Variants in CNNM2 observed in about 807,000 individuals in gnomAD.
CNNM2 encodes metal transporter CNNM2.
In CNNM2, 12 loss-of-function variants were observed where a neutral mutation model predicts 66.9. The ratio of observed to expected loss-of-function variants is 0.18; its 90% CI spans 0.11 to 0.29. The LOEUF (loss-of-function observed/expected upper bound fraction) is 0.29. Ranked by LOEUF, CNNM2 falls within the 10% of genes least tolerant of loss-of-function variation. The probability of loss-of-function intolerance (pLI) is 1.00; values close to 1 mark genes in which losing one functional copy is unlikely to be tolerated. For missense variants in CNNM2, 705 were observed against 1,167.7 expected, an observed-to-expected ratio of 0.60 and a Z score of 5.77; for synonymous variants, 557 against 501.8, an observed-to-expected ratio of 1.11 and a Z score of -1.47.
At chr10:103,025,021 C>T (rs2064672236) in intron 1 of CNNM2, among the ~76,000 whole-genome samples, 1 of 152,174 alleles carries the variant, frequency 6.6e-6, no homozygotes, top group African/African-American at 2.4e-5. Context: ...TGGTTATCCA[C>T]TACTAATGAT....
rs117142634 is a variant in CNNM2, at chr10:103,029,364, A to G, written c.1622-20343A>G. Among the ~76,000 whole-genome samples, 602 of 150,982 alleles carry G rather than the reference A, an allele frequency of 4.0e-3. 19 individuals are homozygous for G. The East Asian group carries it at 0.071, about 18-fold the overall frequency. On this transcript the variant is annotated intron_variant, in intron 1 of 7. Coordinates refer to ENST00000369878, the MANE Select transcript of CNNM2 (RefSeq NM_017649.5). ...GCACCTGTAATCCCAGCTCCTCAGG[A>G]GGCTGAGGAGAATCACTTGAACCCA...
At chr10:102,986,560 A>G (rs2063800777) in intron 1 of CNNM2, among the ~76,000 whole-genome samples, 1 of 152,036 alleles carries the variant, frequency 6.6e-6, no homozygotes. Context: ...AGGTGGGCGG[A>G]TCACGAGGTC....
chr10:103,063,658 AC>A (rs1294577035), intron 4 of CNNM2, among the ~76,000 whole-genome samples: 1 of 152,152 alleles, frequency 6.6e-6, no homozygotes, highest in African/African-American at 2.4e-5. Flanking sequence ...GAGATGCTTT[AC>A]TCAGGAAGCC....
intron 1 of CNNM2, among the ~76,000 whole-genome samples, chr10:102,943,593 AC>A (rs1334988237): frequency 6.6e-6 from 1 of 152,212 alleles, no homozygotes; most frequent in African/African-American, 2.4e-5. Flanking sequence ...AAAAAAACGC[AC>A]AAAAAAAGTC....
At chr10:103,047,313 G>A (rs1183013381) in intron 1 of CNNM2, among the ~76,000 whole-genome samples, 1 of 152,200 alleles carries the variant, frequency 6.6e-6, no homozygotes, top group Admixed American at 6.5e-5. Context: ...GGGACATTCT[G>A]CAGGAGGCCT....
chr10:103,002,928 T>A (rs1350736782), intron 1 of CNNM2, among the ~76,000 whole-genome samples: 2 of 152,226 alleles, frequency 1.3e-5, no homozygotes, highest in East Asian at 3.9e-4. Context: ...AAGAAAAACA[T>A]ATATTCACAT....
chr10:103,006,459 G>A (rs561761176), intron 1 of CNNM2, among the ~76,000 whole-genome samples: 2 of 152,170 alleles, frequency 1.3e-5, no homozygotes, highest in Admixed American at 6.5e-5. Flanking sequence ...ACCCGCCTCA[G>A]CCTCCCAAAG....
intron 1 of CNNM2, among the ~76,000 whole-genome samples, chr10:102,963,184 ATGAG>A (rs1268298781): frequency 5.3e-5 from 8 of 152,210 alleles, no homozygotes; most frequent in African/African-American, 1.9e-4. Flanking sequence ...AATAAGTGAT[ATGAG>A]TAAGTAAAAT....
At chr10:102,953,291 C>G (rs748392740) in intron 1 of CNNM2, among the ~76,000 whole-genome samples, 1 of 152,190 alleles carries the variant, frequency 6.6e-6, no homozygotes, top group African/African-American at 2.4e-5. Context: ...GAGTCTCACT[C>G]TGTCGCCCAG....
At chr10:102,954,687 G>A (rs1385911666) in intron 1 of CNNM2, among the ~76,000 whole-genome samples, 1 of 152,066 alleles carries the variant, frequency 6.6e-6, no homozygotes, top group Non-Finnish European at 1.5e-5. Flanking sequence ...AGGAATTTTC[G>A]GGGAGAAAGA....
chr10:102,934,097 G>T (rs1465389256), intron 1 of CNNM2, among the ~76,000 whole-genome samples: 2 of 150,336 alleles, frequency 1.3e-5, no homozygotes, highest in Non-Finnish European at 3.0e-5. Context: ...TACTGCCTCA[G>T]CCTCCCAAAA....
chr10:102,918,524 G>A lies in CNNM2; in HGVS notation c.44G>A (p.Gly15Asp). Residue 15 changes from glycine (G) to aspartate (D), a missense_variant, in exon 1 of 8, where the codon GGC becomes GAC. Gly to Asp is a moderately conservative substitution (Grantham distance 94, BLOSUM62 -1). Transcript: ENST00000369878. This position sits in a 1 kb window ranked among gnomAD's most constrained non-coding sequence, Gnocchi z 4.1. Reference sequence around the variant, plus strand: ...TGTGAACCCAAAGTAAAGATGGCGGGCGGGCAGGCAGCCGCCGCACTGCCC... The same window carrying A: ...TGTGAACCCAAAGTAAAGATGGCGGACGGGCAGGCAGCCGCCGCACTGCCC... Reference protein sequence around the residue: ...GACEPKVKMAGGQAAAALPTW... With the variant: ...GACEPKVKMADGQAAAALPTW... 1 of 1,604,874 alleles carries A rather than the reference G, an allele frequency of 6.2e-7. No individual in the cohort carries two copies. Among genetic ancestry groups the A allele is most frequent in the Non-Finnish European group, 8.5e-7 (1 of 1,177,630 alleles).
intron 1 of CNNM2, among the ~76,000 whole-genome samples, chr10:103,014,384 G>T (rs1417433860): frequency 3.9e-5 from 6 of 152,134 alleles, no homozygotes; most frequent in Non-Finnish European, 8.8e-5. Context: ...TATTAACTCA[G>T]TCCTCACAAG....
intron 1 of CNNM2, among the ~76,000 whole-genome samples, chr10:102,955,699 CA>C (rs1847008699): frequency 6.6e-6 from 1 of 152,122 alleles, no homozygotes; most frequent in South Asian, 2.1e-4. Flanking sequence ...ACAACCCCAT[CA>C]AAAAGTGGGC....
intron 1 of CNNM2, among the ~76,000 whole-genome samples, chr10:102,941,529 A>C (rs536151994): frequency 1.3e-5 from 2 of 151,240 alleles, no homozygotes; most frequent in Non-Finnish European, 2.9e-5. Context: ...CAGCAGCTAC[A>C]GTGACCTCTG....
intron 1 of CNNM2, among the ~76,000 whole-genome samples, chr10:102,945,373 G>T (rs556333872): frequency 6.6e-6 from 1 of 152,214 alleles, no homozygotes; most frequent in Admixed American, 6.5e-5. Flanking sequence ...GCTATTTCCA[G>T]CTGCCTCTTA....
At chr10:102,952,025 G>GCTCCCGAC (rs1846855939) in intron 1 of CNNM2, among the ~76,000 whole-genome samples, 1 of 151,724 alleles carries the variant, frequency 6.6e-6, no homozygotes, top group East Asian at 2.0e-4. Flanking sequence ...CTGGTCTCGA[G>GCTCCCGAC]CTCCCGACCT....
intron 1 of CNNM2, among the ~76,000 whole-genome samples, chr10:102,922,937 CAAAAA>C (rs60845072): frequency 1.1e-5 from 1 of 89,636 alleles, no homozygotes. Flanking sequence ...GACCCTGTCT[CAAAAA>C]AAAAAAAAAA....
intron 1 of CNNM2, among the ~76,000 whole-genome samples, chr10:102,957,037 C>T (rs1002421355): frequency 6.6e-6 from 1 of 152,270 alleles, no homozygotes. Context: ...CACGGTGGCT[C>T]ATGCCTGTAA....
Sources: allele counts gnomAD v4.1 joint callset (sites outside exome capture counted in the v4.1 genomes callset), GRCh38; gene constraint gnomAD v4.1.1; non-coding constraint Gnocchi (gnomAD v3.1); transcripts MANE v1.5; gene names NCBI Gene and HGNC (gene_info 2026-07-23, HGNC 2026-07-21).